SLC15A5: variants seen among roughly 807,000 people sequenced by gnomAD.
SLC15A5 encodes the protein solute carrier family 15 member 5.
Under a neutral mutation model 56.1 loss-of-function variants are expected in SLC15A5, and 58 were observed. That is an observed-to-expected ratio of 1.03 (90% confidence interval 0.84 to 1.29). The LOEUF is 1.29. SLC15A5 is among the 50% of genes most tolerant of loss of function. The pLI is 0.00. For missense variants in SLC15A5, 681 were observed against 672.1 expected, an observed-to-expected ratio of 1.01 and a Z score of -0.15; for synonymous variants, 264 against 250.5, an observed-to-expected ratio of 1.05 and a Z score of -0.51.
intron 3 of SLC15A5, among the ~76,000 whole-genome samples, chr12:16,245,234 T>TAG (rs1452087090): frequency 6.6e-6 from 1 of 152,186 alleles, no homozygotes; most frequent in Non-Finnish European, 1.5e-5. Flanking sequence ...ACTTGGCAGG[T>TAG]AGAGGGTGGC....
intron 6 of SLC15A5, among the ~76,000 whole-genome samples, chr12:16,222,457 C>T (rs1380257915): frequency 6.8e-6 from 1 of 146,462 alleles, no homozygotes; most frequent in Non-Finnish European, 1.5e-5. Context: ...CCTATCAATG[C>T]TGTGATATAA....
intron 3 of SLC15A5, among the ~76,000 whole-genome samples, chr12:16,248,826 A>G (rs763276339): frequency 3.9e-5 from 6 of 152,084 alleles, no homozygotes; most frequent in Admixed American, 6.6e-5. Context: ...TGGGAAGTTG[A>G]CGAAAATACT....
intron 6 of SLC15A5, among the ~76,000 whole-genome samples, chr12:16,223,802 G>A (rs1016091220): frequency 5.4e-5 from 8 of 147,954 alleles, no homozygotes; most frequent in South Asian, 2.3e-4. Flanking sequence ...TGCAACCTCC[G>A]CCTCCCGGGT....
At chr12:16,206,817 A>G (rs1409309017) in intron 7 of SLC15A5, among the ~76,000 whole-genome samples, 2 of 152,204 alleles carry the variant, frequency 1.3e-5, no homozygotes, top group Admixed American at 6.5e-5. Context: ...GTGTCTTTCA[A>G]AATTGTAGGG....
At chr12:16,201,297 G>A (rs1456799675) in intron 7 of SLC15A5, among the ~76,000 whole-genome samples, 3 of 152,026 alleles carry the variant, frequency 2.0e-5, no homozygotes, top group Non-Finnish European at 4.4e-5. Context: ...GTAATCTTGA[G>A]CAAAAAACAA....
At chr12:16,234,226 G>A (rs1864326059) in intron 5 of SLC15A5, among the ~76,000 whole-genome samples, 1 of 152,112 alleles carries the variant, frequency 6.6e-6, no homozygotes, top group African/African-American at 2.4e-5. Context: ...ATTTATGACA[G>A]TGGAACACTG....
chr12:16,266,474 A>G (rs1004753755), intron 2 of SLC15A5, among the ~76,000 whole-genome samples: 2 of 152,204 alleles, frequency 1.3e-5, no homozygotes, highest in Non-Finnish European at 2.9e-5. Flanking sequence ...CTGAATATGT[A>G]TGTCTAGGAA....
chr12:16,238,714 G>A (rs1864378235), intron 5 of SLC15A5, among the ~76,000 whole-genome samples: 1 of 151,148 alleles, frequency 6.6e-6, no homozygotes, highest in Admixed American at 6.6e-5. Context: ...CAATAGAATT[G>A]TTTCTCAAGT....
chr12:16,218,969 A>G (rs1864159364), intron 6 of SLC15A5, among the ~76,000 whole-genome samples: 1 of 152,042 alleles, frequency 6.6e-6, no homozygotes, highest in South Asian at 2.1e-4. Flanking sequence ...CTTAATTTAA[A>G]ATTTCTGTTT....
chr12:16,247,831 A>G (rs780010899), intron 3 of SLC15A5, among the ~76,000 whole-genome samples: 1 of 152,136 alleles, frequency 6.6e-6, no homozygotes, highest in Non-Finnish European at 1.5e-5. Flanking sequence ...AAAACCATTA[A>G]GAAGTTTTAA....
intron 3 of SLC15A5, among the ~76,000 whole-genome samples, chr12:16,253,663 G>T (rs759264201): frequency 1.3e-5 from 2 of 151,172 alleles, no homozygotes; most frequent in African/African-American, 2.4e-5. Flanking sequence ...TTGAGCTCAG[G>T]ATTTTGAGAT....
chr12:16,198,109 C>A (rs117239506), intron 7 of SLC15A5, among the ~76,000 whole-genome samples: 1,584 of 152,236 alleles, frequency 0.01, 13 homozygotes, highest in Non-Finnish European at 0.017. Context: ...TTAATACTTT[C>A]ATAATATAAC....
chr12:16,262,750 C>T (rs74652445), intron 2 of SLC15A5, among the ~76,000 whole-genome samples: 26,868 of 151,992 alleles, frequency 0.18, 2,650 homozygotes, highest in Non-Finnish European at 0.22. Flanking sequence ...ATCATGGGGG[C>T]GGGTCTTTTC....
intron 5 of SLC15A5, among the ~76,000 whole-genome samples, chr12:16,233,638 G>C (rs1405920231): frequency 1.3e-5 from 2 of 152,136 alleles, no homozygotes; most frequent in Non-Finnish European, 2.9e-5. Flanking sequence ...GAGAAATTGT[G>C]GCATTTTACC....
At chr12:16,258,377 G>T (rs1220568598) in intron 2 of SLC15A5, among the ~76,000 whole-genome samples, 1 of 152,234 alleles carries the variant, frequency 6.6e-6, no homozygotes, top group East Asian at 1.9e-4. Flanking sequence ...GAAGAAATGA[G>T]TGACATTTGA....
At chr12:16,222,083 C>T (rs1483427439) in intron 6 of SLC15A5, among the ~76,000 whole-genome samples, 2 of 152,048 alleles carry the variant, frequency 1.3e-5, no homozygotes, top group Non-Finnish European at 2.9e-5. Context: ...TGGTTTTTGC[C>T]ATTACTTTTA....
intron 3 of SLC15A5, among the ~76,000 whole-genome samples, chr12:16,251,950 A>C (rs749833199): frequency 6.6e-6 from 1 of 152,076 alleles, no homozygotes; most frequent in African/African-American, 2.4e-5. Context: ...ATCATAGACC[A>C]CAGACAAGTG....
chr12:16,239,145 G>T (rs1864385309), intron 5 of SLC15A5, among the ~76,000 whole-genome samples: 1 of 152,136 alleles, frequency 6.6e-6, no homozygotes. Flanking sequence ...AGGAGAATAT[G>T]ATCAGAATGG....
At chr12:16,227,530 A>G (rs927266433) in intron 5 of SLC15A5, among the ~76,000 whole-genome samples, 5 of 152,182 alleles carry the variant, frequency 3.3e-5, no homozygotes, top group Non-Finnish European at 7.4e-5. Flanking sequence ...CTTTTAAGAA[A>G]GAAGGGTTTC....
Sources: allele counts gnomAD v4.1 joint callset (sites outside exome capture counted in the v4.1 genomes callset), GRCh38; gene constraint gnomAD v4.1.1; transcripts MANE v1.5; gene names NCBI Gene and HGNC (gene_info 2026-07-23, HGNC 2026-07-21).